SHOC1: variants seen among roughly 807,000 people sequenced by gnomAD.
The protein encoded by SHOC1 is protein shortage in chiasmata 1 ortholog.
A neutral mutation model predicts 179.2 loss-of-function variants in SHOC1; 136 were observed. That is an observed-to-expected ratio of 0.76 (90% CI 0.66 to 0.87). The LOEUF (loss-of-function observed/expected upper bound fraction) is 0.87, where lower values mean the gene tolerates loss of function less well. Ranked by LOEUF, SHOC1 falls within the 40% of genes least tolerant of loss-of-function variation. The probability of loss-of-function intolerance (pLI) is 0.00; values close to 1 mark genes in which losing one functional copy is unlikely to be tolerated. For missense variants in SHOC1, 1,538 were observed against 1,700.8 expected, an observed-to-expected ratio of 0.90 and a Z score of 1.68; for synonymous variants, 489 against 586.6, an observed-to-expected ratio of 0.83 and a Z score of 2.41.
At chr9:111,767,661 CTATT>C (rs780302025) in intron 5 of SHOC1, among the ~76,000 whole-genome samples, 21 of 152,180 alleles carry the variant, frequency 1.4e-4, no homozygotes, top group Admixed American at 5.2e-4. Flanking sequence ...ATTGCTTTGG[CTATT>C]TGGGGTCTTT....
intron 22 of SHOC1, among the ~76,000 whole-genome samples, chr9:111,703,505 T>C (rs1230917129): frequency 6.6e-6 from 1 of 152,208 alleles, no homozygotes; most frequent in Non-Finnish European, 1.5e-5. Flanking sequence ...GGAAATGCAA[T>C]GAATGATTGG....
chr9:111,787,341 C>T (rs182940636), intron 2 of SHOC1, among the ~76,000 whole-genome samples: 16 of 152,266 alleles, frequency 1.1e-4, no homozygotes, highest in African/African-American at 3.9e-4. Context: ...AAGGGAGAAC[C>T]ATTCTGGATG....
At chr9:111,733,622 C>A (rs376257366) in intron 12 of SHOC1, among the ~76,000 whole-genome samples, 12 of 152,302 alleles carry the variant, frequency 7.9e-5, no homozygotes, top group African/African-American at 2.2e-4. Flanking sequence ...AATCCCAGCA[C>A]TTTGGGATGC....
chr9:111,729,288 A>G (rs1296581195), intron 12 of SHOC1, among the ~76,000 whole-genome samples: 1 of 137,550 alleles, frequency 7.3e-6, no homozygotes. Flanking sequence ...TTTTATTTTT[A>G]GGAGAGACAA....
chr9:111,740,576 GTTAT>G (rs1391267208), intron 11 of SHOC1, among the ~76,000 whole-genome samples: 2 of 152,002 alleles, frequency 1.3e-5, no homozygotes, highest in East Asian at 1.9e-4. Context: ...TTGCTAAAAT[GTTAT>G]TTATTTATTT....
chr9:111,751,772 TCTCCCCTCTAAATCC>T (rs1242886281), intron 8 of SHOC1, among the ~76,000 whole-genome samples: 1 of 152,056 alleles, frequency 6.6e-6, no homozygotes, highest in Non-Finnish European at 1.5e-5. Flanking sequence ...ATATATTAGT[TCTCCCCTCTAAATCC>T]TATAGAATGA....
chr9:111,700,063 T>G lies in SHOC1; in HGVS notation c.3090-16A>C. ...AAGCAGATACCTACAAAGAATTATA[T>G]TACTATATTTCTATTCATTTGATAT... On this transcript the variant is annotated splice_polypyrimidine_tract_variant and intron_variant, in intron 23 of 27. Transcript: ENST00000682961. 1.7e-5 allele frequency: 21 copies of G among 1,220,836 alleles called. No homozygotes were observed. Among genetic ancestry groups the G allele is most frequent in the Non-Finnish European group, 2.1e-5 (18 of 839,082 alleles). The allele number at this position is 1,220,836 out of a possible 1,614,324, so 75.6% of individuals were successfully genotyped here.
In SHOC1 at chr9:111,779,538, T is replaced by C. The variant is rs57560140; in HGVS notation, c.257+1392A>G. ...TGTTTCCTCTGCCCAAAATGCTTTC[T>C]CTCAAGTTAATTTCTCTTTGATTGC... On this transcript the variant is annotated intron_variant, in intron 4 of 27. Coordinates refer to ENST00000682961, the MANE Select transcript of SHOC1 (RefSeq NM_001378211.1). 3.4e-3 allele frequency among the ~76,000 whole-genome samples: 523 copies of C among 152,342 alleles called. 2 individuals are homozygous for C. Among genetic ancestry groups the C allele is most frequent in the African/African-American group, 0.012 (488 of 41,578 alleles).
intron 8 of SHOC1, among the ~76,000 whole-genome samples, chr9:111,752,980 A>G (rs1045257207): frequency 6.6e-6 from 1 of 152,176 alleles, no homozygotes; most frequent in Non-Finnish European, 1.5e-5. Context: ...TGGGAGGCCA[A>G]GGTGGGAGGA....
intron 18 of SHOC1, among the ~76,000 whole-genome samples, chr9:111,708,201 T>TAA (rs34165154): frequency 9.9e-5 from 15 of 151,404 alleles, no homozygotes; most frequent in African/African-American, 3.6e-4. Context: ...AATTTTTATT[T>TAA]TTTATTTTTT....
rs1479303146 is a variant in SHOC1 at position 111,692,479 on chromosome 9, A to G, written c.3498T>C (p.Ile1166=). ...GTGATTTTGTTATGGAAGAAGAACC[A>G]ATCTTGAATAGGGAAGTGATGCTAC... ...HFCSITSLFK[I]GSSSITKSPQ... is the part of the protein sequence containing the mutation. Residue 1166 remains isoleucine, a synonymous_variant, in exon 27 of 28, where the codon ATT becomes ATC. Transcript: ENST00000682961. The G allele has an allele frequency of 1.3e-6, 2 of 1,593,038 alleles. No individual in the cohort carries two copies. Among genetic ancestry groups the G allele is most frequent in the Admixed American group, 1.7e-5 (1 of 57,586 alleles).
intron 10 of SHOC1, among the ~76,000 whole-genome samples, chr9:111,745,161 T>G (rs1200502241): frequency 6.6e-6 from 1 of 152,166 alleles, no homozygotes; most frequent in Non-Finnish European, 1.5e-5. Context: ...CTTGCACTCT[T>G]AATGGGAATA....
At position 111,692,062 on chromosome 9, in the gene SHOC1, T is replaced by A; in HGVS notation, c.3915A>T (p.Glu1305Asp). Residue 1305 changes from glutamate to aspartate, a missense_variant, in exon 27 of 28, where the codon GAA becomes GAT. Transcript: ENST00000682961. ...GAGTGTCAGTTGGTGATTTTATAGT[T>A]TCACAGTTCATTTGTGTTAGACCCA... ...FSLGLTQMNC[E>D]TIKSPTDTQK... The A allele has an allele frequency of 6.2e-7, 1 of 1,613,856 alleles. No homozygotes were observed. The highest frequency in any genetic ancestry group is 8.5e-7 in the Non-Finnish European group (1 of 1,179,874).
chr9:111,786,762 G>C (rs751746698), intron 2 of SHOC1, among the ~76,000 whole-genome samples: 28 of 152,094 alleles, frequency 1.8e-4, no homozygotes, highest in Admixed American at 5.9e-4. Flanking sequence ...CAAATTAATT[G>C]ATAAATGTTG....
chr9:111,749,135 G>T (rs1834447129), intron 8 of SHOC1, among the ~76,000 whole-genome samples: 2 of 151,666 alleles, frequency 1.3e-5, no homozygotes, highest in Non-Finnish European at 2.9e-5. Flanking sequence ...CATACTCAGT[G>T]GTTCTTTATT....
chr9:111,687,516 A>G (rs755952811), intron 27 of SHOC1, among the ~76,000 whole-genome samples: 5 of 152,150 alleles, frequency 3.3e-5, no homozygotes, highest in Non-Finnish European at 7.4e-5. Context: ...CATAATCTCT[A>G]AATTCTCTTC....
At chr9:111,758,040 C>T in intron 7 of SHOC1, 44 bp downstream of exon 7, 1 of 1,007,628 alleles carries the variant, frequency 9.9e-7, no homozygotes, top group Non-Finnish European at 1.5e-6. Context: ...AAAAATGTGC[C>T]TCACTACTTT....
chr9:111,692,357 T>C lies in SHOC1; in HGVS notation c.3620A>G (p.Asn1207Ser). 1 of 1,611,998 alleles carries C rather than the reference T, an allele frequency of 6.2e-7. No homozygotes were observed. Among genetic ancestry groups the C allele is most frequent in the Non-Finnish European group, 8.5e-7 (1 of 1,178,276 alleles). Reference sequence around the variant, plus strand: ...TAATCCTAAATACTGATAATATTCATTATGTTCTTGAATGACAGAGTCTAA... The same window carrying C: ...TAATCCTAAATACTGATAATATTCACTATGTTCTTGAATGACAGAGTCTAA... Reference protein sequence around the residue: ...SDLDSVIQEHNEYYQYLGLGE... With the variant: ...SDLDSVIQEHSEYYQYLGLGE... Residue 1207 changes from asparagine (N) to serine (S), a missense_variant, in exon 27 of 28, where the codon AAT becomes AGT. By Grantham distance (46) the Asn-to-Ser change is conservative. Coordinates refer to ENST00000682961, the MANE Select transcript of SHOC1 (RefSeq NM_001378211.1).
rs1589385331 is a variant in SHOC1, at chr9:111,705,298, G to A, written c.2804C>T (p.Ala935Val). The stretch of plus-strand genomic sequence containing the variant: ...TGGAGTATTAAGAAGTCCTTCAGAT[G>A]CAAAAAACACATATGGAATCTGAAT... ...LEIQIPYVFF[A>V]SEGLLNTPDI... is the part of the protein sequence containing the mutation. The change falls in exon 21 of 28, where the codon GCA (alanine) becomes GTA (valine). Residue 935 changes from alanine to valine, a missense_variant. By Grantham distance (64) the Ala-to-Val change is moderately conservative. Transcript: ENST00000682961. 1.3e-6 allele frequency: 2 copies of A among 1,589,938 alleles called. No individual in the cohort carries two copies. The highest frequency in any genetic ancestry group is 1.7e-6 in the Non-Finnish European group (2 of 1,168,414).
Sources: allele counts gnomAD v4.1 joint callset (sites outside exome capture counted in the v4.1 genomes callset), GRCh38; gene constraint gnomAD v4.1.1; transcripts MANE v1.5; gene names NCBI Gene and HGNC (gene_info 2026-07-23, HGNC 2026-07-21).